ADAMTS16: variants seen among roughly 807,000 people sequenced by gnomAD.
The protein encoded by ADAMTS16 is ADAM metallopeptidase with thrombospondin type 1 motif 16.
In ADAMTS16, 94 loss-of-function variants were observed where a neutral mutation model predicts 145.8. The observed-to-expected ratio is 0.64, with a 90% CI of 0.55 to 0.77. ADAMTS16 has a LOEUF of 0.77. Among genes scored for constraint, ADAMTS16 ranks in the 30% least tolerant of loss-of-function variants. The pLI is 0.00. For synonymous variants in ADAMTS16, 659 were observed against 604.3 expected (o/e 1.09, Z -1.33); for missense variants, 1,585 against 1,591.5 (o/e 1.00, Z 0.07).
At chr5:5,193,333 G>T (rs1453002899) in intron 8 of ADAMTS16, among the ~76,000 whole-genome samples, 1 of 152,132 alleles carries the variant, frequency 6.6e-6, no homozygotes, top group East Asian at 1.9e-4. Flanking sequence ...GGTAATGATT[G>T]ACTATTTCAT....
In ADAMTS16 at chr5:5,244,236, G is replaced by A. The variant is rs532345731; in HGVS notation, c.2662+2045G>A. 2.0e-5 allele frequency among the ~76,000 whole-genome samples: 3 copies of A among 152,270 alleles called. No individual in the cohort carries two copies. The South Asian group carries it at 6.2e-4, about 32-fold the overall frequency. On this transcript the variant is annotated intron_variant, in intron 17 of 22. Transcript: ENST00000274181. ...ATCCTGCAGGGTTTGAACTATAGTC[G>A]ATCCTCCTCTGTTTTCGTAGATGGA...
At chr5:5,295,940 T>C (rs1739510451) in intron 18 of ADAMTS16, among the ~76,000 whole-genome samples, 1 of 152,234 alleles carries the variant, frequency 6.6e-6, no homozygotes, top group Non-Finnish European at 1.5e-5. Context: ...CCAAATACAA[T>C]GTAAGTTTAA....
At chr5:5,264,096 A>G (rs1385792010) in intron 18 of ADAMTS16, among the ~76,000 whole-genome samples, 1 of 152,102 alleles carries the variant, frequency 6.6e-6, no homozygotes, top group Non-Finnish European at 1.5e-5. Context: ...GAGGCACAGG[A>G]TGGGGGCCGG....
rs945942986 is a variant in ADAMTS16 at position 5,143,738 on chromosome 5, G to A, written c.176-2392G>A. Among the ~76,000 whole-genome samples, 13 of 152,040 alleles carry A rather than the reference G, an allele frequency of 8.6e-5. No individual in the cohort carries two copies. The South Asian group carries it at 1.0e-3, about 12-fold the overall frequency. On this transcript the variant is annotated intron_variant, in intron 2 of 22. Transcript: ENST00000274181. ...AGACTTGGAACCAACCCAAATGCCC[G>A]TCAATGAGAGACTGGATAAAGAAAA... is the stretch of plus-strand genomic sequence containing the variant.
intron 18 of ADAMTS16, among the ~76,000 whole-genome samples, chr5:5,294,875 C>G (rs1739469762): frequency 6.6e-6 from 1 of 152,094 alleles, no homozygotes; most frequent in African/African-American, 2.4e-5. Context: ...TGCCCATTAC[C>G]CACCAGACAG....
chr5:5,291,585 T>C (rs1739318931), intron 18 of ADAMTS16, among the ~76,000 whole-genome samples: 1 of 152,080 alleles, frequency 6.6e-6, no homozygotes, highest in South Asian at 2.1e-4. Context: ...CTGAAGGCCG[T>C]CCAGCTGGCA....
chr5:5,213,035 G>A (rs1258078879), intron 10 of ADAMTS16, among the ~76,000 whole-genome samples: 3 of 152,148 alleles, frequency 2.0e-5, no homozygotes, highest in Non-Finnish European at 2.9e-5. Context: ...CCCACTTCGT[G>A]CAAAATGCAA....
chr5:5,140,712 A>C lies in ADAMTS16; in HGVS notation c.121A>C (p.Ser41Arg). ...CGCAGCGGCAGCGCCTGGGAGCCCG[A>C]GCGTCCCGCGTCCTCCTCCACCCGC... ...GPAAAAPGSP[S>R]VPRPPPPAER... The change falls in exon 2 of 23, where the codon AGC becomes CGC. Residue 41 changes from serine (S) to arginine (R), a missense_variant. Physicochemically the swap from Ser to Arg is moderately radical, Grantham distance 110. Coordinates refer to ENST00000274181, the MANE Select transcript of ADAMTS16 (RefSeq NM_139056.4). The C allele has an allele frequency of 6.4e-7, 1 of 1,569,844 alleles. No homozygotes were observed. Among genetic ancestry groups the C allele is most frequent in the Non-Finnish European group, 8.6e-7 (1 of 1,159,810 alleles).
chr5:5,278,138 T>C (rs975154351), intron 18 of ADAMTS16, among the ~76,000 whole-genome samples: 2 of 152,194 alleles, frequency 1.3e-5, no homozygotes, highest in South Asian at 2.1e-4. Flanking sequence ...TTTAAACCCT[T>C]CATTGTATTG....
intron 21 of ADAMTS16, among the ~76,000 whole-genome samples, chr5:5,308,983 T>C (rs955402047): frequency 7.3e-5 from 11 of 150,854 alleles, no homozygotes; most frequent in African/African-American, 2.7e-4. Context: ...TTGGATCACA[T>C]GAAAACCATC....
intron 3 of ADAMTS16, among the ~76,000 whole-genome samples, chr5:5,160,008 A>G (rs1375927499): frequency 6.6e-6 from 1 of 152,214 alleles, no homozygotes. Flanking sequence ...GCAGGTTATC[A>G]TTAGGTAATA....
rs1480546230 is a variant in ADAMTS16, at chr5:5,190,003, C to T, written c.1080C>T (p.His360=). The change falls in exon 7 of 23, where the codon CAC becomes CAT. Residue 360 remains histidine (H), a synonymous_variant. Transcript: ENST00000274181. ...TGGTGATAAGTCACCACGCAGACCA[C>T]ACCTTAAGTAGCTTCTGCCAGTGGC... is the stretch of plus-strand genomic sequence containing the variant. ...PGLVISHHAD[H]TLSSFCQWQS... 1 of 1,611,664 alleles carries T rather than the reference C, an allele frequency of 6.2e-7. No homozygotes were observed. The highest frequency in any genetic ancestry group is 8.5e-7 in the Non-Finnish European group (1 of 1,179,130).
intron 21 of ADAMTS16, 123 bp from the exon 22 acceptor site, chr5:5,318,011 G>T: frequency 8.9e-7 from 1 of 1,120,658 alleles, no homozygotes. Flanking sequence ...CTGCCTCTGC[G>T]ACTAAGTCGC....
chr5:5,187,030 C>A lies in ADAMTS16; in HGVS notation c.964-695C>A, dbSNP rs2126569676. On this transcript the variant is annotated intron_variant, in intron 5 of 22. Transcript: ENST00000274181. Reference sequence around the variant, plus strand: ...ACTAGATTTCTGGGCTCCCAGGAAGCTGAGGAGGCAGTGAAATAGAGCCAC... The same window carrying A: ...ACTAGATTTCTGGGCTCCCAGGAAGATGAGGAGGCAGTGAAATAGAGCCAC... 1.3e-5 allele frequency among the ~76,000 whole-genome samples: 2 copies of A among 152,312 alleles called. 1 individual carries two copies. Among genetic ancestry groups the A allele is most frequent in the South Asian group, 4.1e-4 (2 of 4,824 alleles).
Position 5,317,256 on chromosome 5 carries a change from A to G in ADAMTS16, c.3412-878A>G, listed in dbSNP as rs535109346. ...ATGTTAAGTCTTTTCATGTTTTTCA[A>G]TCAGAAGGATAACTTGTAGGTAACT... On this transcript the variant is annotated intron_variant, in intron 21 of 22. Transcript: ENST00000274181. The surrounding 1 kb of genome is among the most constrained non-coding windows in gnomAD (Gnocchi z 4.5). Among the ~76,000 whole-genome samples the G allele has an allele frequency of 3.3e-4, 50 of 152,312 alleles. No homozygotes were observed. The highest frequency in any genetic ancestry group is 3.4e-3 in the Middle Eastern group (1 of 294).
At chr5:5,245,085 G>A (rs1010942574) in intron 17 of ADAMTS16, among the ~76,000 whole-genome samples, 3 of 152,140 alleles carry the variant, frequency 2.0e-5, no homozygotes, top group African/African-American at 7.2e-5. Context: ...AGAATTTACT[G>A]TCTCTGCCTT....
chr5:5,296,886 T>C (rs574291452), intron 18 of ADAMTS16, among the ~76,000 whole-genome samples: 3 of 152,276 alleles, frequency 2.0e-5, no homozygotes, highest in East Asian at 1.9e-4. Context: ...TTTTAGTCCA[T>C]AGCAAAGGTA....
chr5:5,267,155 G>C (rs574671366), intron 18 of ADAMTS16, among the ~76,000 whole-genome samples: 2 of 152,132 alleles, frequency 1.3e-5, no homozygotes, highest in Non-Finnish European at 2.9e-5. Flanking sequence ...TAGGGGGAGC[G>C]GGCAGATGGG....
At chr5:5,182,000 G>A (rs748464748) in intron 3 of ADAMTS16, 44 bp from the exon 4 acceptor site, 5 of 1,561,096 alleles carry the variant, frequency 3.2e-6, no homozygotes, top group Admixed American at 1.9e-5. Context: ...GCTTCAACCA[G>A]AAAGTCTAAT....
Sources: gnomAD v4.1 joint callset for allele counts (sites outside exome capture counted in the v4.1 genomes callset) on GRCh38, gnomAD v4.1.1 for gene constraint, Gnocchi (gnomAD v3.1) non-coding constraint, MANE v1.5 for transcripts, NCBI Gene and HGNC (gene_info 2026-07-23, HGNC 2026-07-21) for gene names.